Variants in RSRC1 observed in about 807,000 individuals in gnomAD.
RSRC1 encodes serine/Arginine-related protein 53.
A neutral mutation model predicts 49.1 loss-of-function variants in RSRC1; 39 were observed. The ratio of observed to expected loss-of-function variants is 0.79; its 90% CI spans 0.61 to 1.04. The LOEUF is 1.04. Ranked by LOEUF, RSRC1 falls within the 50% of genes least tolerant of loss-of-function variation. The probability of loss-of-function intolerance (pLI) is 0.00; values close to 1 mark genes in which losing one functional copy is unlikely to be tolerated. For missense variants in RSRC1, 388 were observed against 402.4 expected (o/e 0.96, Z 0.31); for synonymous variants, 143 against 130.8 (o/e 1.09, Z -0.63).
At chr3:158,249,106 AGT>A (rs1242662695) in intron 4 of RSRC1, among the ~76,000 whole-genome samples, 1 of 152,156 alleles carries the variant, frequency 6.6e-6, no homozygotes, top group Non-Finnish European at 1.5e-5. Flanking sequence ...TAGTGTGTCT[AGT>A]CAATATTTCT....
At chr3:158,542,712 G>T (rs1366374643) in intron 8 of RSRC1, among the ~76,000 whole-genome samples, 2 of 152,122 alleles carry the variant, frequency 1.3e-5, no homozygotes, top group African/African-American at 4.8e-5. Flanking sequence ...AGGTTTTGTG[G>T]GGGATGATGA....
intron 4 of RSRC1, among the ~76,000 whole-genome samples, chr3:158,249,010 G>T (rs1449481142): frequency 1.3e-5 from 2 of 152,074 alleles, no homozygotes; most frequent in African/African-American, 4.8e-5. Flanking sequence ...GTATTCTACT[G>T]TGAGTATAAG....
intron 4 of RSRC1, among the ~76,000 whole-genome samples, chr3:158,260,770 T>TG (rs1455083191): frequency 6.6e-6 from 1 of 152,328 alleles, no homozygotes; most frequent in Admixed American, 6.5e-5. Flanking sequence ...CCTCTCACTA[T>TG]GGCTGGTCCA....
intron 6 of RSRC1, among the ~76,000 whole-genome samples, chr3:158,384,746 C>T (rs551222571): frequency 2.6e-5 from 4 of 152,254 alleles, no homozygotes; most frequent in Non-Finnish European, 4.4e-5. Context: ...TAAACCCTAG[C>T]CCCTCCTTCT....
intron 4 of RSRC1, among the ~76,000 whole-genome samples, chr3:158,271,478 A>C (rs1054065368): frequency 1.9e-4 from 29 of 152,284 alleles, no homozygotes; most frequent in Non-Finnish European, 3.8e-4. Flanking sequence ...TTTTACTCTC[A>C]TAGACTATAG....
At chr3:158,170,634 TC>T (rs1185348478) in intron 3 of RSRC1, among the ~76,000 whole-genome samples, 1 of 152,186 alleles carries the variant, frequency 6.6e-6, no homozygotes, top group Non-Finnish European at 1.5e-5. Context: ...CTCTTTGCTG[TC>T]CTGGATTTGA....
intron 7 of RSRC1, among the ~76,000 whole-genome samples, chr3:158,510,282 T>C (rs1740085187): frequency 6.6e-6 from 1 of 152,226 alleles, no homozygotes; most frequent in Non-Finnish European, 1.5e-5. Flanking sequence ...GGTTTTTAAT[T>C]ACATGTTTCT....
At chr3:158,376,189 C>CATT (rs1732361066) in intron 6 of RSRC1, among the ~76,000 whole-genome samples, 1 of 44,114 alleles carries the variant, frequency 2.3e-5, no homozygotes, top group African/African-American at 9.2e-5. Context: ...CCCTTCCTTT[C>CATT]GTTTTTTTTT....
intron 4 of RSRC1, among the ~76,000 whole-genome samples, chr3:158,220,946 T>C (rs1722194031): frequency 6.6e-6 from 1 of 151,600 alleles, no homozygotes. Context: ...AGAAAAGATA[T>C]TTGGTCATGA....
At chr3:158,476,178 G>A (rs1738360136) in intron 7 of RSRC1, among the ~76,000 whole-genome samples, 1 of 152,148 alleles carries the variant, frequency 6.6e-6, no homozygotes, top group Non-Finnish European at 1.5e-5. Context: ...AGCTGAGAGA[G>A]GTGAGGAAGC....
chr3:158,169,253 C>T (rs1272108777), intron 3 of RSRC1, among the ~76,000 whole-genome samples: 1 of 152,174 alleles, frequency 6.6e-6, no homozygotes, highest in Non-Finnish European at 1.5e-5. Flanking sequence ...AAGGATTATG[C>T]TAACCCTTCC....
intron 7 of RSRC1, among the ~76,000 whole-genome samples, chr3:158,535,229 T>G (rs1404188377): frequency 6.6e-6 from 1 of 151,410 alleles, no homozygotes; most frequent in South Asian, 2.1e-4. Context: ...TAACAAAATT[T>G]TAAACTGTGT....
intron 3 of RSRC1, among the ~76,000 whole-genome samples, chr3:158,200,724 T>A (rs1028919991): frequency 1.3e-5 from 2 of 152,172 alleles, no homozygotes; most frequent in Non-Finnish European, 2.9e-5. Context: ...TTAAAGTTAT[T>A]ATTTCACCAT....
chr3:158,385,974 T>C (rs1732944555), intron 6 of RSRC1, among the ~76,000 whole-genome samples: 1 of 152,188 alleles, frequency 6.6e-6, no homozygotes, highest in African/African-American at 2.4e-5. Flanking sequence ...TTATGACTTC[T>C]GATTAATGCT....
chr3:158,233,679 A>G (rs761601934), intron 4 of RSRC1, among the ~76,000 whole-genome samples: 1 of 152,068 alleles, frequency 6.6e-6, no homozygotes. Context: ...GAAGAGAAAC[A>G]TAATGAAATC....
intron 3 of RSRC1, among the ~76,000 whole-genome samples, chr3:158,147,949 T>C (rs930246707): frequency 1.3e-5 from 2 of 152,228 alleles, no homozygotes; most frequent in Non-Finnish European, 2.9e-5. Context: ...AAAAATGTTA[T>C]AGTTGTGTCC....
At chr3:158,513,375 A>C (rs1740297932) in intron 7 of RSRC1, among the ~76,000 whole-genome samples, 2 of 152,144 alleles carry the variant, frequency 1.3e-5, no homozygotes, top group Non-Finnish European at 2.9e-5. Flanking sequence ...TGAGATAATC[A>C]TGTGGTTTTT....
At chr3:158,203,373 AAGAG>A in intron 4 of RSRC1, 128 bp downstream of exon 4, 2 of 909,644 alleles carry the variant, frequency 2.2e-6, no homozygotes, top group Non-Finnish European at 3.2e-6. Flanking sequence ...ATGGAATAAA[AAGAG>A]AGAATACAGT....
At chr3:158,371,945 C>T (rs115221949) in intron 6 of RSRC1, among the ~76,000 whole-genome samples, 2,417 of 151,594 alleles carry the variant, frequency 0.016, 85 homozygotes, top group African/African-American at 0.056. Context: ...TCTGCATTTG[C>T]CTCATGGTGA....
Sources: allele counts gnomAD v4.1 joint callset (sites outside exome capture counted in the v4.1 genomes callset), GRCh38; gene constraint gnomAD v4.1.1; transcripts MANE v1.5; gene names NCBI Gene and HGNC (gene_info 2026-07-23, HGNC 2026-07-21).